TSC2: variants seen among roughly 807,000 people sequenced by gnomAD.
TSC2 encodes tuberin.
A neutral mutation model predicts 202.2 loss-of-function variants in TSC2; 29 were observed. The ratio of observed to expected loss-of-function variants is 0.14; its 90% confidence interval spans 0.11 to 0.20. The LOEUF is 0.20. TSC2 is among the 10% of genes least tolerant of loss of function. The pLI, the probability that TSC2 is intolerant of heterozygous loss-of-function variation, is 1.00. For synonymous variants in TSC2, 1,349 were observed against 1,044.0 expected (o/e 1.29, Z -5.63); for missense variants, 2,429 against 2,420.0 (o/e 1.00, Z -0.08).
rs139573366 is a variant in TSC2, at chr16:2,089,483, G to A, written c.*873G>A. 2,444 of 575,206 alleles carry A rather than the reference G, an allele frequency of 4.2e-3. 6 individuals are homozygous for A. Among genetic ancestry groups the A allele is most frequent in the Non-Finnish European group, 6.0e-3 (1,942 of 322,916 alleles). 35.6% of individuals were successfully genotyped at this position (575,206 alleles called of 1,614,324 possible). On this transcript the variant is annotated 3_prime_UTR_variant, in exon 42 of 42. Transcript: ENST00000219476. ...CGGGGAAATAAATTAGCATCTCAGA[G>A]GCTAGAAACCGTCCAATACTGCTGT...
Position 2,056,218 on chromosome 16 carries a change from C to G in TSC2, c.622C>G (p.Arg208Gly), listed in dbSNP as rs374410454. ...MVQMICLLCV[R>G]TASSVDIEVS... Reference sequence around the variant, plus strand: ...CAGGATGATCTGTCTGCTGTGCGTCCGGACCGCGTCCTCTGTGGACATAGA... The same window carrying G: ...CAGGATGATCTGTCTGCTGTGCGTCGGGACCGCGTCCTCTGTGGACATAGA... The change falls in exon 7 of 42, where the codon CGG becomes GGG. Residue 208 changes from arginine to glycine, a missense_variant. Arg to Gly is a moderately radical substitution (Grantham distance 125). Transcript: ENST00000219476. 2 of 1,614,006 alleles carry G rather than the reference C, an allele frequency of 1.2e-6. No individual in the cohort carries two copies. Among genetic ancestry groups the G allele is most frequent in the South Asian group, 1.1e-5 (1 of 91,080 alleles).
intron 17 of TSC2, among the ~76,000 whole-genome samples, chr16:2,071,153 G>A (rs112387143): frequency 0.027 from 4,161 of 152,292 alleles, 99 homozygotes; most frequent in Non-Finnish European, 0.043. Context: ...TCAGCCTGTC[G>A]ATGGAAGAAG....
chr16:2,079,459 C>G lies in TSC2; in HGVS notation c.3284+31C>G, dbSNP rs766481095. 8 of 1,612,330 alleles carry G rather than the reference C, an allele frequency of 5.0e-6. No homozygotes were observed. The Admixed American group carries it at 1.0e-4, about 20-fold the overall frequency. On this transcript the variant is annotated intron_variant, in intron 28 of 41. Transcript: ENST00000219476. This position sits in a 1 kb window ranked among gnomAD's most constrained non-coding sequence, Gnocchi z 4.6. The stretch of plus-strand genomic sequence containing the variant: ...TGCACCTTCCTTTCCTCCGCGCCTG[C>G]CAGCCTCGACACCGGCTGTCCCGAG...
chr16:2,080,318 C>A lies in TSC2; in HGVS notation c.3551C>A (p.Ala1184Glu), dbSNP rs1060500939. 1.2e-6 allele frequency: 2 copies of A among 1,612,692 alleles called. No individual in the cohort carries two copies. The highest frequency in any genetic ancestry group is 1.3e-5 in the African/African-American group (1 of 74,928). Residue 1184 changes from alanine to glutamate, a missense_variant, in exon 30 of 42, where the codon GCG becomes GAG. Coordinates refer to ENST00000219476, the MANE Select transcript of TSC2 (RefSeq NM_000548.5). ...RVPVQEKTNLAAYVPLLTQGW... is the reference protein window; with the variant it reads ...RVPVQEKTNLEAYVPLLTQGW... The stretch of plus-strand genomic sequence containing the variant: ...CCTGTGCAGGAGAAGACGAACCTGG[C>A]GGCCTATGTGCCCCTGCTGACCCAG...
chr16:2,069,463 A>C (rs981173911), intron 16 of TSC2, among the ~76,000 whole-genome samples: 1 of 148,596 alleles, frequency 6.7e-6, no homozygotes, highest in Admixed American at 6.7e-5. Flanking sequence ...ATTTACAGGC[A>C]TGCACCACCA....
chr16:2,060,661 G>T lies in TSC2; in HGVS notation c.976-9G>T. The T allele has an allele frequency of 1.2e-6, 2 of 1,613,976 alleles. No homozygotes were observed. The highest frequency in any genetic ancestry group is 1.7e-6 in the Non-Finnish European group (2 of 1,179,994). Reference sequence around the variant, plus strand: ...CTGACCCTGTGTGCTGGCCGGGCTCGTGTTCCAGGCCATGGCATGTCCGAA... The same window carrying T: ...CTGACCCTGTGTGCTGGCCGGGCTCTTGTTCCAGGCCATGGCATGTCCGAA... On this transcript the variant is annotated splice_polypyrimidine_tract_variant and intron_variant, in intron 10 of 41. Coordinates refer to ENST00000219476, the MANE Select transcript of TSC2 (RefSeq NM_000548.5).
rs1266917945 is a variant in TSC2 at position 2,055,453 on chromosome 16, T to C, written c.533T>C (p.Leu178Pro). Residue 178 changes from leucine (L) to proline (P), a missense_variant, in exon 6 of 42, where the codon CTG (leucine) becomes CCG (proline). Leu to Pro is a moderately conservative substitution (Grantham distance 98, BLOSUM62 -3). Transcript: ENST00000219476. ...GTTGGCTTGTCCTCGGAATTCCTTC[T>C]GGTGCTGGTGAACTTGGTCAAATTC... ...MDVGLSSEFLLVLVNLVKFNS... is the reference protein window; with the variant it reads ...MDVGLSSEFLPVLVNLVKFNS... 1 of 1,614,114 alleles carries C rather than the reference T, an allele frequency of 6.2e-7. No individual in the cohort carries two copies. The highest frequency in any genetic ancestry group is 1.3e-5 in the African/African-American group (1 of 74,940).
chr16:2,082,405 T>C, intron 31 of TSC2, 31 bp from the exon 32 acceptor site: 2 of 1,611,352 alleles, frequency 1.2e-6, no homozygotes, highest in Non-Finnish European at 8.5e-7. Context: ...CTCCTCCTGC[T>C]GACGTGGCCG....
intron 10 of TSC2, 93 bp from the exon 11 acceptor site, chr16:2,060,577 G>T: frequency 6.2e-7 from 1 of 1,603,522 alleles, no homozygotes; most frequent in African/African-American, 1.3e-5. Flanking sequence ...GCGCGCTCAG[G>T]CGTGCTACTC....
rs756020849 is a variant in TSC2 at position 2,050,467 on chromosome 16, A to G, written c.206A>G (p.Lys69Arg). The G allele has an allele frequency of 6.2e-7, 1 of 1,614,000 alleles. No homozygotes were observed. The highest frequency in any genetic ancestry group is 8.5e-7 in the Non-Finnish European group (1 of 1,179,950). ...ATAGGGCAGATTTGTGAAGTCGCAA[A>G]AACCAAGAAATTTGAAGAGGTAGGT... ...RMIGQICEVA[K>R]TKKFEEHAVE... Residue 69 changes from lysine (K) to arginine (R), a missense_variant, in exon 3 of 42, where the codon AAA becomes AGA. Physicochemically the swap from Lys to Arg is conservative, Grantham distance 26 (BLOSUM62 2). Transcript: ENST00000219476.
intron 18 of TSC2, 54 bp downstream of exon 18, chr16:2,071,670 G>T (rs2151300938): frequency 3.7e-6 from 6 of 1,607,812 alleles, no homozygotes. Flanking sequence ...GAGGCGCTGG[G>T]GCTGTGGTGG....
chr16:2,050,683 C>T (rs923099034), intron 3 of TSC2, among the ~76,000 whole-genome samples, 197 bp downstream of exon 3: 2 of 150,898 alleles, frequency 1.3e-5, no homozygotes, highest in African/African-American at 4.9e-5. Flanking sequence ...CCTCTGCCTC[C>T]TGGGTTCAAG....
intron 2 of TSC2, among the ~76,000 whole-genome samples, chr16:2,049,505 A>G (rs1328714644): frequency 6.6e-6 from 1 of 152,112 alleles, no homozygotes; most frequent in Non-Finnish European, 1.5e-5. Flanking sequence ...AAACAACTAA[A>G]ACGTTCATCA....
At chr16:2,074,775 C>T in intron 22 of TSC2, 1 of 348,394 alleles carries the variant, frequency 2.9e-6, no homozygotes, top group Non-Finnish European at 5.6e-6. Context: ...CGCCTGTGCG[C>T]ATCTGGGCAG....
At position 2,063,023 on chromosome 16, in the gene TSC2, T is replaced by G; in HGVS notation, c.1413T>G (p.Phe471Leu). 3 of 1,551,504 alleles carry G rather than the reference T, an allele frequency of 1.9e-6. No individual in the cohort carries two copies. Among genetic ancestry groups the G allele is most frequent in the Non-Finnish European group, 2.6e-6 (3 of 1,146,924 alleles). Reference sequence around the variant, plus strand: ...TCAAGGTGCTGGACGTGCTGTCCTTTGTGCTGCTCATCAACAGGCAGTTCT... The same window carrying G: ...TCAAGGTGCTGGACGTGCTGTCCTTGGTGCTGCTCATCAACAGGCAGTTCT... ...VRIKVLDVLS[F>L]VLLINRQFYE... Residue 471 changes from phenylalanine to leucine, a missense_variant, in exon 14 of 42, where the codon TTT becomes TTG. Coordinates refer to ENST00000219476, the MANE Select transcript of TSC2 (RefSeq NM_000548.5).
rs911381038 is a variant in TSC2 at position 2,079,482 on chromosome 16, G to A, written c.3284+54G>A. The stretch of plus-strand genomic sequence containing the variant: ...TGCCAGCCTCGACACCGGCTGTCCC[G>A]AGCCCAGGCCCACGTGGCACCCTCG... On this transcript the variant is annotated intron_variant, in intron 28 of 41. Transcript: ENST00000219476. This position sits in a 1 kb window ranked among gnomAD's most constrained non-coding sequence, Gnocchi z 4.6. 150 of 1,609,584 alleles carry A rather than the reference G, an allele frequency of 9.3e-5. No homozygotes were observed. The highest frequency in any genetic ancestry group is 3.7e-4 in the African/African-American group (28 of 74,968).
rs560831385 is a variant in TSC2, at chr16:2,084,303, C to G, written c.4081C>G (p.Arg1361Gly). 1 of 1,612,716 alleles carries G rather than the reference C, an allele frequency of 6.2e-7. No homozygotes were observed. The highest frequency in any genetic ancestry group is 8.5e-7 in the Non-Finnish European group (1 of 1,179,930). ...GGTTGGCAGGGGCATCCCCATCGAG[C>G]GAGTCGTCTCCTCGGAGGGTGGCCG... ...ELVGRGIPIE[R>G]VVSSEGGRPS... The change falls in exon 34 of 42, where the codon CGA (arginine) becomes GGA (glycine). Residue 1361 changes from arginine (R) to glycine (G), a missense_variant. By Grantham distance (125) the Arg-to-Gly change is moderately radical. Transcript: ENST00000219476.
intron 37 of TSC2, 61 bp downstream of exon 37, chr16:2,086,440 G>C (rs2151578895): frequency 6.3e-7 from 1 of 1,581,694 alleles, no homozygotes; most frequent in Non-Finnish European, 8.6e-7. Flanking sequence ...CTCCCATCCA[G>C]TCCTGCTACC....
chr16:2,048,563 C>A, intron 1 of TSC2, 24 bp from the exon 2 acceptor site: 1 of 1,613,188 alleles, frequency 6.2e-7, no homozygotes. Context: ...CTCAGATGTC[C>A]CCATTCCTGT....
Sources: allele counts gnomAD v4.1 joint callset (sites outside exome capture counted in the v4.1 genomes callset), GRCh38; gene constraint gnomAD v4.1.1; non-coding constraint Gnocchi (gnomAD v3.1); transcripts MANE v1.5; gene names NCBI Gene and HGNC (gene_info 2026-07-23, HGNC 2026-07-21).